Variants in SPPL2A observed in about 807,000 individuals in gnomAD.
SPPL2A encodes the protein signal peptide peptidase like 2A, also known as signal peptide peptidase-like 2A.
Under a neutral mutation model 63.8 loss-of-function variants are expected in SPPL2A, and 51 were observed. The ratio of observed to expected loss-of-function variants is 0.80; its 90% CI spans 0.64 to 1.01. SPPL2A has a LOEUF of 1.01. SPPL2A is among the 50% of genes least tolerant of loss of function. The probability of loss-of-function intolerance (pLI) is 0.00; values close to 1 mark genes in which losing one functional copy is unlikely to be tolerated. For synonymous variants in SPPL2A, 188 were observed against 205.8 expected (o/e 0.91, Z 0.74); for missense variants, 553 against 622.7 (o/e 0.89, Z 1.19).
chr15:50,729,198 C>T lies in SPPL2A; in HGVS notation c.1089+1767G>A, dbSNP rs141818042. ...GAACTCCTGACCTCAAGTGATCTGC[C>T]TGCCTTGGCCTCCCAAAGTGTTGGG... On this transcript the variant is annotated intron_variant, in intron 10 of 14. Transcript: ENST00000261854. Among the ~76,000 whole-genome samples, 678 of 152,340 alleles carry T rather than the reference C, an allele frequency of 4.5e-3. 4 individuals are homozygous for T. Among genetic ancestry groups the T allele is most frequent in the African/African-American group, 0.016 (650 of 41,572 alleles).
chr15:50,723,477 GT>G (rs1036807606), intron 12 of SPPL2A, among the ~76,000 whole-genome samples: 4 of 149,784 alleles, frequency 2.7e-5, no homozygotes, highest in Non-Finnish European at 4.4e-5. Context: ...ATTCAGTTGG[GT>G]TTTTTTTGTT....
intron 5 of SPPL2A, among the ~76,000 whole-genome samples, chr15:50,745,314 T>C (rs1439322340): frequency 6.6e-6 from 1 of 151,924 alleles, no homozygotes; most frequent in Non-Finnish European, 1.5e-5. Context: ...CCACACCTGT[T>C]TGATTTTCGT....
intron 9 of SPPL2A, 142 bp from the exon 10 acceptor site, chr15:50,731,181 T>C: frequency 2.1e-6 from 1 of 477,522 alleles, no homozygotes; most frequent in Non-Finnish European, 3.8e-6. Context: ...TAATACTATG[T>C]ATAGTTTTAT....
At chr15:50,733,702 G>GA (rs1350484011) in intron 8 of SPPL2A, among the ~76,000 whole-genome samples, 1 of 151,610 alleles carries the variant, frequency 6.6e-6, no homozygotes, top group Non-Finnish European at 1.5e-5. Context: ...CATGGCAAAG[G>GA]AAAAATCAAG....
At chr15:50,729,725 C>G (rs2062716139) in intron 10 of SPPL2A, among the ~76,000 whole-genome samples, 1 of 152,046 alleles carries the variant, frequency 6.6e-6, no homozygotes, top group South Asian at 2.1e-4. Context: ...ATATTTGTTA[C>G]CTATTACAAT....
intron 8 of SPPL2A, among the ~76,000 whole-genome samples, chr15:50,735,500 T>TAC (rs768922277): frequency 1.3e-5 from 2 of 150,410 alleles, no homozygotes; most frequent in South Asian, 2.1e-4. Flanking sequence ...TGTGTATATA[T>TAC]ACACACACAC....
chr15:50,711,092 G>C (rs1213384962), intron 14 of SPPL2A, among the ~76,000 whole-genome samples: 1 of 151,976 alleles, frequency 6.6e-6, no homozygotes, highest in African/African-American at 2.4e-5. Context: ...AAATAAGTGG[G>C]TCTGAGTACT....
chr15:50,761,583 T>C (rs2063011913), intron 1 of SPPL2A, among the ~76,000 whole-genome samples: 1 of 151,930 alleles, frequency 6.6e-6, no homozygotes, highest in Admixed American at 6.6e-5. Flanking sequence ...ACCATTGCAC[T>C]TCAGCCTGGG....
At chr15:50,713,405 C>T (rs563325642) in intron 14 of SPPL2A, among the ~76,000 whole-genome samples, 12 of 151,830 alleles carry the variant, frequency 7.9e-5, no homozygotes, top group African/African-American at 2.9e-4. Context: ...GCTGGGACTA[C>T]AGGCGCCTGC....
rs2062504979 is a variant in SPPL2A at position 50,705,985 on chromosome 15, G to C, written c.*1815C>G. On this transcript the variant is annotated 3_prime_UTR_variant, in exon 15 of 15. Coordinates refer to ENST00000261854, the MANE Select transcript of SPPL2A (RefSeq NM_032802.4). ...AGATAATTTGACCTCTGACTTCCAG[G>C]AGAATGTTCAGGCCACATCTAAAAT... 6.6e-6 allele frequency: 1 copy of C among 152,136 alleles called. No individual in the cohort carries two copies. Among genetic ancestry groups the C allele is most frequent in the East Asian group, 1.9e-4 (1 of 5,196 alleles). The allele number at this position is 152,136 out of a possible 1,614,324, so 9.4% of individuals were successfully genotyped here. A position where few individuals can be genotyped will look rare whatever the true frequency, so the allele number is the denominator to read the frequency against.
chr15:50,732,459 A>G (rs1325850452), intron 9 of SPPL2A, 144 bp downstream of exon 9: 4 of 578,876 alleles, frequency 6.9e-6, no homozygotes, highest in Admixed American at 3.1e-5. Context: ...TCACTGGGAT[A>G]GTGGTTATAA....
rs752620935 is a variant in SPPL2A, at chr15:50,747,496, A to G, written c.583T>C (p.Leu195=). 3.8e-6 allele frequency: 6 copies of G among 1,598,618 alleles called. No individual in the cohort carries two copies. Among genetic ancestry groups the G allele is most frequent in the Non-Finnish European group, 5.1e-6 (6 of 1,176,230 alleles). The change falls in exon 5 of 15, where the codon TTG becomes CTG. Residue 195 remains leucine (L), a splice_region_variant and synonymous_variant. Transcript: ENST00000261854. ...LGGYWSGLVE[L]ENLKAVTTED... ...AACGCTTAAGTTAATTAAACTTACA[A>G]TTCAACTAGTCCACTCCAGTATCCA...
chr15:50,738,332 T>G (rs2062789881), intron 6 of SPPL2A, among the ~76,000 whole-genome samples: 1 of 152,126 alleles, frequency 6.6e-6, no homozygotes. Context: ...GTGGATCACT[T>G]GAGGTCAGGA....
intron 6 of SPPL2A, among the ~76,000 whole-genome samples, chr15:50,738,118 A>G (rs577123463): frequency 1.3e-5 from 2 of 152,212 alleles, no homozygotes; most frequent in Non-Finnish European, 2.9e-5. Context: ...CGAGAGGCAG[A>G]GGTTGCAGTG....
chr15:50,765,396 G>T, intron 1 of SPPL2A, 72 bp downstream of exon 1: 1 of 1,249,596 alleles, frequency 8.0e-7, no homozygotes, highest in Non-Finnish European at 1.1e-6. Context: ...AGGAGTAGGG[G>T]AAGGGAGCCC....
rs566294730 is a variant in SPPL2A at position 50,728,533 on chromosome 15, A to G, written c.1090-2156T>C. On this transcript the variant is annotated intron_variant, in intron 10 of 14. Coordinates refer to ENST00000261854, the MANE Select transcript of SPPL2A (RefSeq NM_032802.4). ...TAATTTTTTTCTATTTTTTTAGTAGAGACGGGGTTTCACCATGTTAGCCAG... is the reference window on the plus strand; with the variant it reads ...TAATTTTTTTCTATTTTTTTAGTAGGGACGGGGTTTCACCATGTTAGCCAG... Among the ~76,000 whole-genome samples the G allele has an allele frequency of 2.6e-5, 4 of 151,756 alleles. No individual in the cohort carries two copies. The South Asian group carries it at 8.3e-4, about 32-fold the overall frequency.
chr15:50,710,935 G>A (rs1343828621), intron 14 of SPPL2A, among the ~76,000 whole-genome samples: 4 of 152,062 alleles, frequency 2.6e-5, no homozygotes, highest in African/African-American at 9.7e-5. Context: ...TTTCATTACA[G>A]AAGCAAAAAA....
intron 9 of SPPL2A, 143 bp downstream of exon 9, chr15:50,732,460 G>C (rs1032824529): frequency 1.7e-6 from 1 of 580,704 alleles, no homozygotes; most frequent in Non-Finnish European, 3.1e-6. Context: ...CACTGGGATA[G>C]TGGTTATAAA....
intron 12 of SPPL2A, among the ~76,000 whole-genome samples, chr15:50,722,586 A>G (rs1412202014): frequency 6.6e-6 from 1 of 152,052 alleles, no homozygotes; most frequent in Non-Finnish European, 1.5e-5. Context: ...CCTCCTGAGT[A>G]GCTGGGACTA....
Sources: allele counts gnomAD v4.1 joint callset (sites outside exome capture counted in the v4.1 genomes callset), GRCh38; gene constraint gnomAD v4.1.1; transcripts MANE v1.5; gene names NCBI Gene and HGNC (gene_info 2026-07-23, HGNC 2026-07-21).